The following FSTL5 variants were observed in gnomAD, a reference collection of about 807,000 sequenced individuals.
The protein encoded by FSTL5 is follistatin like 5, also known as follistatin-related protein 5.
A neutral mutation model predicts 89.1 loss-of-function variants in FSTL5; 62 were observed. The ratio of observed to expected loss-of-function variants is 0.70; its 90% CI spans 0.57 to 0.86. The LOEUF (loss-of-function observed/expected upper bound fraction) is 0.86, where lower values mean the gene tolerates loss of function less well. FSTL5 is among the 40% of genes least tolerant of loss of function. The probability of loss-of-function intolerance (pLI) is 0.00; values close to 1 mark genes in which losing one functional copy is unlikely to be tolerated. For synonymous variants in FSTL5, 383 were observed against 346.2 expected (o/e 1.11, Z -1.18); for missense variants, 1,057 against 1,001.6 (o/e 1.06, Z -0.75).
At chr4:161,575,195 G>T (rs1051114818) in intron 8 of FSTL5, among the ~76,000 whole-genome samples, 2 of 152,018 alleles carry the variant, frequency 1.3e-5, no homozygotes, top group Non-Finnish European at 1.5e-5. Context: ...TGATGGAGTT[G>T]TTTTTTTCTT....
chr4:161,534,315 C>T (rs1419440146), intron 10 of FSTL5, among the ~76,000 whole-genome samples: 1 of 151,898 alleles, frequency 6.6e-6, no homozygotes, highest in African/African-American at 2.4e-5. Flanking sequence ...GAATATGATC[C>T]TATACATAAA....
intron 4 of FSTL5, among the ~76,000 whole-genome samples, chr4:161,902,546 T>C (rs1279205613): frequency 1.3e-5 from 2 of 152,260 alleles, no homozygotes; most frequent in Admixed American, 1.3e-4. Flanking sequence ...CATAATATTT[T>C]TCTTTTTAAA....
At chr4:161,553,646 T>C (rs1469444494) in intron 8 of FSTL5, among the ~76,000 whole-genome samples, 1 of 151,454 alleles carries the variant, frequency 6.6e-6, no homozygotes, top group East Asian at 1.9e-4. Context: ...ATGGTCCTAA[T>C]AATATAATAT....
At chr4:161,832,211 A>G (rs1483804801) in intron 4 of FSTL5, among the ~76,000 whole-genome samples, 1 of 152,116 alleles carries the variant, frequency 6.6e-6, no homozygotes, top group African/African-American at 2.4e-5. Flanking sequence ...ACAGGGGAAG[A>G]ATTCACAGAT....
At chr4:161,956,390 C>T (rs1208828447) in intron 3 of FSTL5, among the ~76,000 whole-genome samples, 1 of 151,714 alleles carries the variant, frequency 6.6e-6, no homozygotes, top group Non-Finnish European at 1.5e-5. Context: ...TATAAAAATA[C>T]TAAAAAGCAA....
chr4:161,984,947 A>G (rs1462782984), intron 3 of FSTL5, among the ~76,000 whole-genome samples: 4 of 150,744 alleles, frequency 2.7e-5, no homozygotes, highest in African/African-American at 9.8e-5. Context: ...TCTCGAACAT[A>G]TTATCTGAAT....
chr4:162,103,711 C>A (rs887524907), intron 2 of FSTL5, among the ~76,000 whole-genome samples: 2 of 152,164 alleles, frequency 1.3e-5, no homozygotes, highest in African/African-American at 4.8e-5. Flanking sequence ...TACTGAGAGA[C>A]AGGACTAGCT....
At chr4:162,148,433 C>A (rs1733086160) in intron 1 of FSTL5, among the ~76,000 whole-genome samples, 1 of 152,076 alleles carries the variant, frequency 6.6e-6, no homozygotes, top group South Asian at 2.1e-4. Context: ...ATCATTATAT[C>A]TAATATATTT....
intron 4 of FSTL5, among the ~76,000 whole-genome samples, chr4:161,871,443 T>A (rs17458489): frequency 0.047 from 7,083 of 152,198 alleles, 210 homozygotes; most frequent in Non-Finnish European, 0.07. Flanking sequence ...TTTATCAGAA[T>A]AATTGTTGCA....
At chr4:161,881,477 T>A (rs1732627948) in intron 4 of FSTL5, among the ~76,000 whole-genome samples, 1 of 152,016 alleles carries the variant, frequency 6.6e-6, no homozygotes, top group Non-Finnish European at 1.5e-5. Context: ...AAAATAGGCA[T>A]ACAAACAACT....
chr4:161,969,665 C>A (rs1211287631), intron 3 of FSTL5, among the ~76,000 whole-genome samples: 2 of 152,052 alleles, frequency 1.3e-5, no homozygotes, highest in African/African-American at 4.8e-5. Flanking sequence ...GTTGTATAAT[C>A]CACACGTATT....
At chr4:162,033,585 G>T in intron 3 of FSTL5, 40 bp downstream of exon 3, 5 of 1,076,444 alleles carry the variant, frequency 4.6e-6, no homozygotes, top group East Asian at 2.6e-5. Flanking sequence ...TTTCTGTTAT[G>T]AACTTATATA....
chr4:161,689,788 T>A (rs2126718001), intron 6 of FSTL5, among the ~76,000 whole-genome samples: 1 of 152,264 alleles, frequency 6.6e-6, no homozygotes, highest in Admixed American at 6.5e-5. Flanking sequence ...TTGTATCCAT[T>A]AAGCAACTAC....
intron 4 of FSTL5, among the ~76,000 whole-genome samples, chr4:161,836,125 T>TA (rs1312561602): frequency 2.6e-5 from 4 of 151,754 alleles, no homozygotes; most frequent in African/African-American, 4.8e-5. Flanking sequence ...TATGCAGCCA[T>TA]AAAAAATGAT....
chr4:161,397,990 TAA>T (rs1328662168), intron 15 of FSTL5, among the ~76,000 whole-genome samples: 1 of 151,970 alleles, frequency 6.6e-6, no homozygotes, highest in Non-Finnish European at 1.5e-5. Context: ...GCAACAACAA[TAA>T]AGTGTGTTAA....
intron 7 of FSTL5, among the ~76,000 whole-genome samples, chr4:161,641,410 C>T (rs895388655): frequency 1.4e-5 from 2 of 142,222 alleles, no homozygotes; most frequent in Non-Finnish European, 3.0e-5. Context: ...TTTATGACAT[C>T]AACAACCAAA....
chr4:161,660,961 T>C (rs1736686160), intron 6 of FSTL5, among the ~76,000 whole-genome samples: 1 of 152,096 alleles, frequency 6.6e-6, no homozygotes, highest in Non-Finnish European at 1.5e-5. Context: ...GTCTTTGTAA[T>C]AGGATAATTA....
At chr4:161,545,000 A>G (rs1431172018) in intron 8 of FSTL5, among the ~76,000 whole-genome samples, 1 of 152,040 alleles carries the variant, frequency 6.6e-6, no homozygotes, top group African/African-American at 2.4e-5. Context: ...CATTAGGCAT[A>G]ATTATAGAAA....
intron 6 of FSTL5, among the ~76,000 whole-genome samples, chr4:161,711,436 T>C (rs985802576): frequency 6.6e-6 from 1 of 152,054 alleles, no homozygotes; most frequent in African/African-American, 2.4e-5. Flanking sequence ...TTAGAAATAC[T>C]TGAAATACAG....
Sources: allele counts gnomAD v4.1 joint callset (sites outside exome capture counted in the v4.1 genomes callset), GRCh38; gene constraint gnomAD v4.1.1; transcripts MANE v1.5; gene names NCBI Gene and HGNC (gene_info 2026-07-23, HGNC 2026-07-21).